PDE1A: variants seen among roughly 807,000 people sequenced by gnomAD.
PDE1A encodes the protein phosphodiesterase 1A.
A neutral mutation model predicts 61.7 loss-of-function variants in PDE1A; 35 were observed. The ratio of observed to expected loss-of-function variants is 0.57; its 90% CI spans 0.43 to 0.75. The LOEUF is 0.75. Ranked by LOEUF, PDE1A falls within the 30% of genes least tolerant of loss-of-function variation. The pLI is 0.00. For synonymous variants in PDE1A, 232 were observed against 213.2 expected, an observed-to-expected ratio of 1.09 and a Z score of -0.77; for missense variants, 597 against 630.6, an observed-to-expected ratio of 0.95 and a Z score of 0.57.
At chr2:182,339,866 G>A (rs138518227) in intron 1 of PDE1A, among the ~76,000 whole-genome samples, 2 of 152,262 alleles carry the variant, frequency 1.3e-5, no homozygotes, top group East Asian at 3.9e-4. Context: ...TTGTGAAAGA[G>A]GGAGAAGAGT....
intron 1 of PDE1A, among the ~76,000 whole-genome samples, chr2:182,381,708 A>T (rs1237563645): frequency 6.6e-6 from 1 of 152,034 alleles, no homozygotes; most frequent in African/African-American, 2.4e-5. Context: ...GCTACTCAGG[A>T]GGCTGAGGCG....
chr2:182,381,278 G>A (rs1369547215), intron 1 of PDE1A, among the ~76,000 whole-genome samples: 1 of 151,978 alleles, frequency 6.6e-6, no homozygotes, highest in Non-Finnish European at 1.5e-5. Flanking sequence ...GGGAGGAAGG[G>A]GAGCTTTCTA....
chr2:182,405,715 T>C (rs1327687958), intron 1 of PDE1A, among the ~76,000 whole-genome samples: 1 of 152,112 alleles, frequency 6.6e-6, no homozygotes, highest in Non-Finnish European at 1.5e-5. Flanking sequence ...CTGCATAGCA[T>C]AGTAACTGTA....
At chr2:182,321,682 A>G (rs1488320150) in intron 1 of PDE1A, among the ~76,000 whole-genome samples, 1 of 152,142 alleles carries the variant, frequency 6.6e-6, no homozygotes, top group Non-Finnish European at 1.5e-5. Flanking sequence ...TGGCCTTTAC[A>G]GTGGTTTTGC....
intron 2 of PDE1A, among the ~76,000 whole-genome samples, chr2:182,256,099 T>G (rs1204996541): frequency 2.0e-5 from 3 of 148,690 alleles, no homozygotes; most frequent in Non-Finnish European, 4.5e-5. Context: ...TTTTTTTTTA[T>G]TATACTTTAA....
the PDE1A span, among the ~76,000 whole-genome samples, chr2:182,643,139 C>T: frequency 2.6e-5 from 4 of 152,202 alleles, no homozygotes; most frequent in Non-Finnish European, 5.9e-5. Context: ...GGGTCCTGGT[C>T]GTCAGGATCC....
chr2:182,593,290 A>G, the PDE1A span, among the ~76,000 whole-genome samples: 1 of 152,206 alleles, frequency 6.6e-6, no homozygotes, highest in African/African-American at 2.4e-5. Context: ...GATCAAACCT[A>G]GGGATTAAAC....
chr2:182,413,068 G>A (rs1034975875), intron 1 of PDE1A, among the ~76,000 whole-genome samples: 3 of 152,146 alleles, frequency 2.0e-5, no homozygotes, highest in Admixed American at 2.0e-4. Context: ...GTAGACAAAG[G>A]CTTAGGAAGG....
chr2:182,582,674 A>G, the PDE1A span, among the ~76,000 whole-genome samples: 1 of 152,308 alleles, frequency 6.6e-6, no homozygotes, highest in South Asian at 2.1e-4. Flanking sequence ...AGAGTGCCCT[A>G]GTGGGGCTAA....
intron 1 of PDE1A, among the ~76,000 whole-genome samples, chr2:182,336,620 G>C (rs191973709): frequency 6.6e-6 from 1 of 152,074 alleles, no homozygotes; most frequent in African/African-American, 2.4e-5. Context: ...GCCTGTCAGC[G>C]GGTAGGGGGC....
chr2:182,610,938 A>G, the PDE1A span, among the ~76,000 whole-genome samples: 2 of 152,254 alleles, frequency 1.3e-5, no homozygotes, highest in Non-Finnish European at 2.9e-5. Context: ...TTTTATATAC[A>G]AAATGTAAAA....
the PDE1A span, among the ~76,000 whole-genome samples, chr2:182,596,630 G>T: frequency 6.6e-6 from 1 of 152,128 alleles, no homozygotes; most frequent in Non-Finnish European, 1.5e-5. Flanking sequence ...AGGGCCATCA[G>T]TAACTATGAG....
intron 2 of PDE1A, among the ~76,000 whole-genome samples, chr2:182,442,546 T>C (rs983860698): frequency 1.3e-5 from 2 of 152,230 alleles, no homozygotes; most frequent in South Asian, 2.1e-4. Flanking sequence ...ATAAAAATTA[T>C]ATGCATTGTG....
At chr2:182,193,318 T>C (rs1344897454) in intron 10 of PDE1A, among the ~76,000 whole-genome samples, 1 of 152,032 alleles carries the variant, frequency 6.6e-6, no homozygotes, top group Non-Finnish European at 1.5e-5. Flanking sequence ...ATGAAGAAGA[T>C]AAGACAGGGT....
chr2:182,360,554 T>G (rs1699443532), intron 1 of PDE1A, among the ~76,000 whole-genome samples: 1 of 149,992 alleles, frequency 6.7e-6, no homozygotes. Context: ...TTTCGTAACT[T>G]AAGATTGGTT....
At chr2:182,415,160 T>C (rs577829346) in intron 1 of PDE1A, among the ~76,000 whole-genome samples, 1 of 152,262 alleles carries the variant, frequency 6.6e-6, no homozygotes, top group Admixed American at 6.5e-5. Context: ...ACTTTCTAAA[T>C]ATTTTATTCC....
chr2:182,191,587 A>G (rs539166151), intron 10 of PDE1A, among the ~76,000 whole-genome samples: 2,349 of 151,886 alleles, frequency 0.015, 35 homozygotes, highest in Middle Eastern at 0.061. Flanking sequence ...TTAGAATCAG[A>G]AGATACAGTC....
chr2:182,666,349 G>T, the PDE1A span, among the ~76,000 whole-genome samples: 5 of 152,186 alleles, frequency 3.3e-5, no homozygotes, highest in South Asian at 1.0e-3. Flanking sequence ...TGGGTGTGGT[G>T]GCTCACGTCT....
intron 1 of PDE1A, among the ~76,000 whole-genome samples, chr2:182,392,658 T>A (rs1474829228): frequency 6.6e-6 from 1 of 152,214 alleles, no homozygotes; most frequent in Non-Finnish European, 1.5e-5. Context: ...GGCAAGGTAG[T>A]TACTTCCTAG....
Sources: allele counts gnomAD v4.1 joint callset (sites outside exome capture counted in the v4.1 genomes callset), GRCh38; gene constraint gnomAD v4.1.1; transcripts MANE v1.5; gene names NCBI Gene and HGNC (gene_info 2026-07-23, HGNC 2026-07-21).